The following PAX8 variants were observed in gnomAD, a reference collection of about 807,000 sequenced individuals.
PAX8 encodes the protein paired box protein Pax-8.
In PAX8, 15 loss-of-function variants were observed where a neutral mutation model predicts 52.4. That is an observed-to-expected ratio of 0.29 (90% CI 0.19 to 0.44). The LOEUF (loss-of-function observed/expected upper bound fraction) is 0.44, where lower values mean the gene tolerates loss of function less well. PAX8 is among the 20% of genes least tolerant of loss of function. PAX8 has a pLI of 1.00. For missense variants in PAX8, 554 were observed against 602.5 expected, an observed-to-expected ratio of 0.92 and a Z score of 0.84; for synonymous variants, 284 against 249.7, an observed-to-expected ratio of 1.14 and a Z score of -1.29.
rs967036219 is a variant in PAX8 at position 113,278,874 on chromosome 2, G to A, written c.-119C>T. On this transcript the variant is annotated 5_prime_UTR_variant, in exon 1 of 12. Coordinates refer to ENST00000429538, the MANE Select transcript of PAX8 (RefSeq NM_003466.4). ...GCCCTCACTGCTTGGGTCCGCCCGC[G>A]AGGGTGCCCTGGGCCCGGTGTCTCT... is the stretch of plus-strand genomic sequence containing the variant. The A allele has an allele frequency of 1.3e-5, 14 of 1,059,544 alleles. No homozygotes were observed. The highest frequency in any genetic ancestry group is 4.2e-4 in the Middle Eastern group (1 of 2,358). 65.6% of individuals were successfully genotyped at this position (1,059,544 alleles called of 1,614,324 possible).
chr2:113,260,049 G>A (rs1213721160), intron 2 of PAX8, among the ~76,000 whole-genome samples: 1 of 152,070 alleles, frequency 6.6e-6, no homozygotes, highest in African/African-American at 2.4e-5. Context: ...TTTTTAATGG[G>A]TTTATATTAA....
intron 9 of PAX8, among the ~76,000 whole-genome samples, chr2:113,235,116 A>G (rs1008127702): frequency 6.6e-6 from 1 of 152,110 alleles, no homozygotes; most frequent in Admixed American, 6.5e-5. Context: ...CCAAGTTGCT[A>G]CGTTACAGCA....
intron 2 of PAX8, among the ~76,000 whole-genome samples, chr2:113,251,914 A>G (rs1458880535): frequency 6.6e-6 from 1 of 152,186 alleles, no homozygotes; most frequent in Non-Finnish European, 1.5e-5. Flanking sequence ...ACTCAAAGGC[A>G]GGGGCCCTGT....
chr2:113,250,224 A>G (rs924585578), intron 2 of PAX8, among the ~76,000 whole-genome samples: 3 of 145,538 alleles, frequency 2.1e-5, no homozygotes, highest in Non-Finnish European at 4.5e-5. Flanking sequence ...CCAAGATCAC[A>G]CCACTGCACT....
Position 113,216,177 on chromosome 2 carries a change from G to A in PAX8, c.*2356C>T, listed in dbSNP as rs574018587. On this transcript the variant is annotated 3_prime_UTR_variant, in exon 12 of 12. Transcript: ENST00000429538. ...GTAGGGAGCCCTCGGGATCCCAGAG[G>A]TTTGTGGTCAGGAAGACTCTCAGAT... 4.3e-6 allele frequency: 1 copy of A among 230,444 alleles called. No individual in the cohort carries two copies. Among genetic ancestry groups the A allele is most frequent in the Admixed American group, 5.7e-5 (1 of 17,666 alleles). 14.3% of individuals were successfully genotyped at this position (230,444 alleles called of 1,614,324 possible).
At chr2:113,230,321 G>C (rs1377222820) in intron 9 of PAX8, among the ~76,000 whole-genome samples, 4 of 152,204 alleles carry the variant, frequency 2.6e-5, no homozygotes, top group Admixed American at 2.6e-4. Flanking sequence ...TGAACCTGCT[G>C]CCTCTCGAGC....
chr2:113,217,878 CAA>C lies in PAX8; in HGVS notation c.*653_*654del, dbSNP rs1446576719. The C allele has an allele frequency of 1.3e-5, 3 of 233,096 alleles. No homozygotes were observed. Among genetic ancestry groups the C allele is most frequent in the Admixed American group, 1.1e-4 (2 of 17,782 alleles). 14.4% of individuals were successfully genotyped at this position (233,096 alleles called of 1,614,324 possible). A position where few individuals can be genotyped will look rare whatever the true frequency, so the allele number is the denominator to read the frequency against. Reference sequence around the variant, plus strand: ...GGTGCTATACCTTCACAGCAGCAGGCAAAAGAGGTCAGCTGACAGCCTGGTGG... The same window carrying C: ...GGTGCTATACCTTCACAGCAGCAGGCAAGAGGTCAGCTGACAGCCTGGTGG... On this transcript the variant is annotated 3_prime_UTR_variant, in exon 12 of 12. Coordinates refer to ENST00000429538, the MANE Select transcript of PAX8 (RefSeq NM_003466.4).
intron 9 of PAX8, among the ~76,000 whole-genome samples, chr2:113,227,804 T>C (rs1042947392): frequency 6.6e-6 from 1 of 152,148 alleles, no homozygotes; most frequent in Admixed American, 6.5e-5. Flanking sequence ...TCAACCACTA[T>C]ACCATTTCCC....
Position 113,242,085 on chromosome 2 carries a change from G to A in PAX8, c.524C>T (p.Ser175Phe), listed in dbSNP as rs1380856550. ...VTPPESPQSD[S>F]LGSTYSINGL... ...ATTGATGGAGTAGGTGGAGCCCAGG[G>A]AATCCGACTGGGGTGACTCCGGGGG... is the stretch of plus-strand genomic sequence containing the variant. The change falls in exon 6 of 12, where the codon TCC becomes TTC. Residue 175 changes from serine (S) to phenylalanine (F), a missense_variant. Ser to Phe is a radical substitution (Grantham distance 155, BLOSUM62 -2). Coordinates refer to ENST00000429538, the MANE Select transcript of PAX8 (RefSeq NM_003466.4). 1 of 1,613,544 alleles carries A rather than the reference G, an allele frequency of 6.2e-7. No individual in the cohort carries two copies. The highest frequency in any genetic ancestry group is 8.5e-7 in the Non-Finnish European group (1 of 1,179,578).
At chr2:113,241,133 G>C in intron 7 of PAX8, 1 of 338,354 alleles carries the variant, frequency 3.0e-6, no homozygotes. Context: ...TCGGGGCCAT[G>C]AGTAATGCAA....
intron 7 of PAX8, chr2:113,241,288 C>T: frequency 1.7e-6 from 1 of 585,920 alleles, no homozygotes; most frequent in Non-Finnish European, 3.1e-6. Context: ...CAAGGGATAG[C>T]ATCATCAGGT....
chr2:113,241,520 C>A, intron 7 of PAX8, 31 bp downstream of exon 7: 3 of 1,577,466 alleles, frequency 1.9e-6, no homozygotes, highest in Non-Finnish European at 2.6e-6. Context: ...CCTTGCCCAC[C>A]CTGTTCACCT....
chr2:113,241,879 GA>G (rs1188175305), intron 6 of PAX8, 128 bp downstream of exon 6: 1 of 1,410,084 alleles, frequency 7.1e-7, no homozygotes, highest in African/African-American at 1.4e-5. Flanking sequence ...TGAGGGACAG[GA>G]CATGTGACAG....
At chr2:113,227,823 G>A (rs1361063081) in intron 9 of PAX8, among the ~76,000 whole-genome samples, 1 of 152,194 alleles carries the variant, frequency 6.6e-6, no homozygotes, top group African/African-American at 2.4e-5. Context: ...CCCCTGAGTA[G>A]AGGGGGCCTT....
In PAX8 at chr2:113,232,198, C is replaced by T. The variant is rs189488128; in HGVS notation, c.1087+3196G>A. Among the ~76,000 whole-genome samples the T allele has an allele frequency of 2.4e-3, 358 of 152,334 alleles. 2 individuals carry two copies. The highest frequency in any genetic ancestry group is 5.6e-3 in the Admixed American group (85 of 15,302). On this transcript the variant is annotated intron_variant, in intron 9 of 11. Coordinates refer to ENST00000429538, the MANE Select transcript of PAX8 (RefSeq NM_003466.4). ...TTGAGATCCAGTCTTGACCAGAGGC[C>T]TCAGGTGGACAGTCTGTAAGGAGCT...
In PAX8 at chr2:113,235,483, T is replaced by C; in HGVS notation, c.998A>G (p.Gln333Arg). The C allele has an allele frequency of 1.2e-6, 2 of 1,613,778 alleles. No individual in the cohort carries two copies. Among genetic ancestry groups the C allele is most frequent in the Non-Finnish European group, 1.7e-6 (2 of 1,179,784 alleles). Residue 333 changes from glutamine (Q) to arginine (R), a missense_variant, in exon 9 of 12, where the codon CAG becomes CGG. Gln to Arg is a conservative substitution (Grantham distance 43). This residue lies in a region of PAX8 where 445 missense variants were observed against 409.9 expected (regional missense o/e 1.09). Coordinates refer to ENST00000429538, the MANE Select transcript of PAX8 (RefSeq NM_003466.4). The part of the protein sequence containing the change: ...SLSSSAFLDL[Q>R]QVGSGVPPFN... ...GGGCGGGACCCCGGAGCCGACTTGC[T>C]GCAGATCCAAAAAGGCGGAGCTAGA... is the stretch of plus-strand genomic sequence containing the variant.
At chr2:113,234,738 T>G (rs1690138390) in intron 9 of PAX8, among the ~76,000 whole-genome samples, 1 of 152,296 alleles carries the variant, frequency 6.6e-6, no homozygotes, top group East Asian at 1.9e-4. Flanking sequence ...CAGGCTGGTC[T>G]TGAACTCTTG....
At position 113,274,239 on chromosome 2, in the gene PAX8, C is replaced by A. The variant is rs571798957; in HGVS notation, c.25+4131G>T. ...CGTTTTCTTACTTCCTTTTCATGGA[C>A]CCCAGATAAAGACTTTGACAGCCAG... On this transcript the variant is annotated intron_variant, in intron 2 of 11. Transcript: ENST00000429538. 1.1e-4 allele frequency: 16 copies of A among 152,230 alleles called. No homozygotes were observed. The South Asian group carries it at 3.3e-3, about 32-fold the overall frequency. 9.4% of individuals were successfully genotyped at this position (152,230 alleles called of 1,614,324 possible).
At chr2:113,247,294 G>C (rs565722728) in intron 2 of PAX8, among the ~76,000 whole-genome samples, 195 of 152,266 alleles carry the variant, frequency 1.3e-3, no homozygotes, top group African/African-American at 4.5e-3. Context: ...GTTTGACCTT[G>C]GGGAAAACCC....
Sources: gnomAD v4.1 joint callset for allele counts (sites outside exome capture counted in the v4.1 genomes callset) on GRCh38, gnomAD v4.1.1 for gene constraint, gnomAD v4.1.1 regional missense constraint, MANE v1.5 for transcripts, NCBI Gene and HGNC (gene_info 2026-07-23, HGNC 2026-07-21) for gene names.